UTP25: variants seen among roughly 807,000 people sequenced by gnomAD.
UTP25 encodes U3 small nucleolar RNA-associated protein 25 homolog.
In UTP25, 50 loss-of-function variants were observed where a neutral mutation model predicts 78.9. That is an observed-to-expected ratio of 0.63 (90% confidence interval 0.50 to 0.80). The LOEUF (loss-of-function observed/expected upper bound fraction) is 0.80, where lower values mean the gene tolerates loss of function less well. Ranked by LOEUF, UTP25 falls within the 30% of genes least tolerant of loss-of-function variation. The probability of loss-of-function intolerance (pLI) is 0.00; values close to 1 mark genes in which losing one functional copy is unlikely to be tolerated. For synonymous variants in UTP25, 329 were observed against 336.5 expected (o/e 0.98, Z 0.24); for missense variants, 846 against 911.3 (o/e 0.93, Z 0.92).
At chr1:209,849,546 G>A (rs1254166139) in intron 11 of UTP25, among the ~76,000 whole-genome samples, 2 of 151,900 alleles carry the variant, frequency 1.3e-5, no homozygotes, top group African/African-American at 2.4e-5. Context: ...CTTCTCCCCC[G>A]TGTGCTTCAC....
At chr1:209,835,490 G>A (rs1320093038) in intron 5 of UTP25, among the ~76,000 whole-genome samples, 1 of 152,114 alleles carries the variant, frequency 6.6e-6, no homozygotes, top group African/African-American at 2.4e-5. Flanking sequence ...TCTGCTAGAG[G>A]GGGATAATAA....
At position 209,838,931 on chromosome 1, in the gene UTP25, G is replaced by A. The variant is rs1167678104; in HGVS notation, c.1085G>A (p.Arg362Gln). Residue 362 changes from arginine (R) to glutamine (Q), a missense_variant, in exon 7 of 12, where the codon CGG becomes CAG. Arg to Gln is a conservative substitution (Grantham distance 43). Transcript: ENST00000491415. Reference protein sequence around the residue: ...RPKVLIVVPFREAALRVVQLF... With the variant: ...RPKVLIVVPFQEAALRVVQLF... The stretch of plus-strand genomic sequence containing the variant: ...CAGGTACTGATAGTGGTGCCATTCC[G>A]GGAAGCTGCTTTGCGGGTGGTGCAG... 13 of 1,613,932 alleles carry A rather than the reference G, an allele frequency of 8.1e-6. No homozygotes were observed. The highest frequency in any genetic ancestry group is 2.2e-5 in the East Asian group (1 of 44,888).
intron 11 of UTP25, among the ~76,000 whole-genome samples, chr1:209,844,914 T>C (rs2078188745): frequency 6.6e-6 from 1 of 152,252 alleles, no homozygotes; most frequent in Non-Finnish European, 1.5e-5. Flanking sequence ...TTCACAATAA[T>C]GTCCAGTGGA....
At chr1:209,834,080 G>A (rs993979848) in intron 4 of UTP25, among the ~76,000 whole-genome samples, 4 of 152,160 alleles carry the variant, frequency 2.6e-5, no homozygotes, top group African/African-American at 7.2e-5. Flanking sequence ...TATTTTGCAG[G>A]AGAAGAAGTG....
Position 209,851,275 on chromosome 1 carries a change from T to C in UTP25, c.2099T>C (p.Ile700Thr), listed in dbSNP as rs774804409. 2 of 1,614,126 alleles carry C rather than the reference T, an allele frequency of 1.2e-6. No homozygotes were observed. Among genetic ancestry groups the C allele is most frequent in the Non-Finnish European group, 1.7e-6 (2 of 1,180,000 alleles). Residue 700 changes from isoleucine (I) to threonine (T), a missense_variant, in exon 12 of 12, where the codon ATC (isoleucine) becomes ACC (threonine). Physicochemically the swap from Ile to Thr is moderately conservative, Grantham distance 89. Coordinates refer to ENST00000491415, the MANE Select transcript of UTP25 (RefSeq NM_014388.7). Reference protein sequence around the residue: ...LPTYPHFYSEICNMLRATNRG... With the variant: ...LPTYPHFYSETCNMLRATNRG... Reference sequence around the variant, plus strand: ...ACATATCCACACTTTTACAGTGAAATCTGTAATATGCTGAGAGCCACCAAC... The same window carrying C: ...ACATATCCACACTTTTACAGTGAAACCTGTAATATGCTGAGAGCCACCAAC...
intron 7 of UTP25, 66 bp downstream of exon 7, chr1:209,839,194 T>C: frequency 7.1e-7 from 1 of 1,404,470 alleles, no homozygotes; most frequent in African/African-American, 1.4e-5. Flanking sequence ...GACCAGAAGC[T>C]GGAATTAGAT....
chr1:209,835,318 T>A (rs903687480), intron 5 of UTP25, among the ~76,000 whole-genome samples, 155 bp downstream of exon 5: 3 of 152,140 alleles, frequency 2.0e-5, no homozygotes, highest in African/African-American at 4.8e-5. Flanking sequence ...AAGAGCCTAG[T>A]GGGGCACAGT....
rs2078286489 is a variant in UTP25 at position 209,857,462 on chromosome 1, A to T, written c.*6015A>T. On this transcript the variant is annotated 3_prime_UTR_variant, in exon 12 of 12. Coordinates refer to ENST00000491415, the MANE Select transcript of UTP25 (RefSeq NM_014388.7). ...TACATCTATTTGGTGATCATTATTA[A>T]TGTCTTATGTTTCCTCCCAGATTGT... is the stretch of plus-strand genomic sequence containing the variant. The T allele has an allele frequency of 6.6e-6, 1 of 152,186 alleles. No individual in the cohort carries two copies. The highest frequency in any genetic ancestry group is 6.5e-5 in the Admixed American group (1 of 15,274). 9.4% of individuals were successfully genotyped at this position (152,186 alleles called of 1,614,324 possible).
chr1:209,828,272 T>C lies in UTP25; in HGVS notation c.107+102T>C, dbSNP rs569970345. 70 of 848,026 alleles carry C rather than the reference T, an allele frequency of 8.3e-5. No homozygotes were observed. The African/African-American group carries it at 1.1e-3, about 13-fold the overall frequency. The allele number at this position is 848,026 out of a possible 1,614,324, so 52.5% of individuals were successfully genotyped here. ...TGCTGCTCCGGCCTTTTCCCACTAT[T>C]CCCTGGCTCCCGCTGTGCTCGGCCG... On this transcript the variant is annotated intron_variant, in intron 1 of 11. Coordinates refer to ENST00000491415, the MANE Select transcript of UTP25 (RefSeq NM_014388.7).
chr1:209,830,319 A>G (rs1205659963), intron 2 of UTP25, among the ~76,000 whole-genome samples, 172 bp downstream of exon 2: 1 of 152,184 alleles, frequency 6.6e-6, no homozygotes, highest in Non-Finnish European at 1.5e-5. Flanking sequence ...TGCCATTGTG[A>G]TATCTAATAC....
intron 10 of UTP25, 65 bp downstream of exon 10, chr1:209,842,760 C>A: frequency 1.7e-6 from 2 of 1,211,766 alleles, no homozygotes; most frequent in Non-Finnish European, 2.4e-6. Flanking sequence ...GGCATACAAA[C>A]CTAGAATTGG....
chr1:209,840,037 G>A (rs948396731), intron 7 of UTP25, among the ~76,000 whole-genome samples: 2 of 152,206 alleles, frequency 1.3e-5, no homozygotes, highest in East Asian at 1.9e-4. Context: ...CTGTTGCAGA[G>A]GCATCAGGGT....
rs1300586748 is a variant in UTP25, at chr1:209,835,159, T to C, written c.647T>C (p.Leu216Pro). ...VATNPKTTHE[L>P]KWPILGQLFF... ...ACAAATCCCAAAACTACCCACGAGC[T>C]TAAAGTAAGTGTTGCTTGGTCATCC... Residue 216 changes from leucine to proline, a missense_variant, in exon 5 of 12, where the codon CTT becomes CCT. Coordinates refer to ENST00000491415, the MANE Select transcript of UTP25 (RefSeq NM_014388.7). The C allele has an allele frequency of 6.2e-7, 1 of 1,613,306 alleles. No individual in the cohort carries two copies. The highest frequency in any genetic ancestry group is 1.7e-5 in the Admixed American group (1 of 60,006).
intron 3 of UTP25, among the ~76,000 whole-genome samples, chr1:209,832,714 C>T (rs1242565743): frequency 6.6e-6 from 1 of 152,158 alleles, no homozygotes; most frequent in Non-Finnish European, 1.5e-5. Context: ...GAAACCCCAT[C>T]TCTACAGAAA....
At chr1:209,849,382 T>A (rs995879246) in intron 11 of UTP25, among the ~76,000 whole-genome samples, 10 of 152,014 alleles carry the variant, frequency 6.6e-5, no homozygotes, top group South Asian at 2.1e-4. Flanking sequence ...TGCTTTTTAC[T>A]GGGTACAAGT....
chr1:209,836,493 A>G (rs1479480461), intron 5 of UTP25, among the ~76,000 whole-genome samples: 4 of 152,232 alleles, frequency 2.6e-5, no homozygotes, highest in African/African-American at 7.2e-5. Context: ...TCTTCCCAGA[A>G]TATATTCCAC....
Position 209,838,783 on chromosome 1 carries a change from G to A in UTP25, c.1063-126G>A, listed in dbSNP as rs535947899. 3.2e-5 allele frequency: 33 copies of A among 1,028,336 alleles called. No homozygotes were observed. In the African/African-American group the frequency reaches 4.4e-4, roughly 14 times the overall value. The allele number at this position is 1,028,336 out of a possible 1,614,324, so 63.7% of individuals were successfully genotyped here. The stretch of plus-strand genomic sequence containing the variant: ...GCCCTGCGCAAAGCGGGTAACATAG[G>A]TATGTTTCTTGGCTGGGGGCCACTG... On this transcript the variant is annotated intron_variant, in intron 6 of 11. Coordinates refer to ENST00000491415, the MANE Select transcript of UTP25 (RefSeq NM_014388.7).
rs755737004 is a variant in UTP25, at chr1:209,851,403, CAGTCCAACA to C, written c.2230_2238del (p.Ser744_Lys746del). ...TGTGGAGCGGGCGGCACAGATGCTA[CAGTCCAACA>C]AGAATGTCCACCTCTTCATTACTGG... On this transcript the variant is annotated inframe_deletion, in exon 12 of 12. Transcript: ENST00000491415. The C allele has an allele frequency of 6.2e-7, 1 of 1,613,202 alleles. No individual in the cohort carries two copies.
chr1:209,838,689 A>G, intron 6 of UTP25: 1 of 592,018 alleles, frequency 1.7e-6, no homozygotes, highest in South Asian at 2.0e-5. Flanking sequence ...ACGTGGACTG[A>G]TGGGTCTGAA....
Sources: allele counts gnomAD v4.1 joint callset (sites outside exome capture counted in the v4.1 genomes callset), GRCh38; gene constraint gnomAD v4.1.1; transcripts MANE v1.5; gene names NCBI Gene and HGNC (gene_info 2026-07-23, HGNC 2026-07-21).